NLRP12: variants seen among roughly 807,000 people sequenced by gnomAD.
NLRP12 encodes the protein NLR family pyrin domain containing 12, also known as NACHT, LRR and PYD domains-containing protein 12.
In NLRP12, 108 loss-of-function variants were observed where a neutral mutation model predicts 91.2. The ratio of observed to expected loss-of-function variants is 1.18; its 90% CI spans 1.01 to 1.39. The LOEUF is 1.39. NLRP12 is among the 40% of genes most tolerant of loss of function. The pLI, the probability that NLRP12 is intolerant of heterozygous loss-of-function variation, is 0.00. For synonymous variants in NLRP12, 613 were observed against 566.7 expected (o/e 1.08, Z -1.16); for missense variants, 1,530 against 1,352.7 (o/e 1.13, Z -2.06).
At chr19:53,807,747 T>C in intron 3 of NLRP12, 82 bp from the exon 4 acceptor site, 2 of 1,497,360 alleles carry the variant, frequency 1.3e-6, no homozygotes, top group African/African-American at 1.4e-5. Context: ...TCACCGTTTA[T>C]GAAGCATGCT....
chr19:53,795,099 G>GGTGTGTGT (rs1233389201), intron 9 of NLRP12, among the ~76,000 whole-genome samples: 1 of 133,398 alleles, frequency 7.5e-6, no homozygotes, highest in Non-Finnish European at 1.6e-5. Flanking sequence ...CACCATACCT[G>GGTGTGTGT]GTGTGTGCGT....
At chr19:53,801,531 C>T in intron 6 of NLRP12, 134 bp from the exon 7 acceptor site, 1 of 1,202,406 alleles carries the variant, frequency 8.3e-7, no homozygotes. Flanking sequence ...GGCTCAGCTG[C>T]ATCCTCCACC....
Position 53,811,192 on chromosome 19 carries a change from C to CG in NLRP12, c.466dup (p.Arg156ProfsTer37). 6.2e-7 allele frequency: 1 copy of CG among 1,614,076 alleles called. No homozygotes were observed. The highest frequency in any genetic ancestry group is 8.5e-7 in the Non-Finnish European group (1 of 1,180,022). ...CTTCACCAGCAGGAGCCGGGTGTACCGGTGGCTGAGGTTGACACATTCCCC... is the reference window on the plus strand; with the variant it reads ...CTTCACCAGCAGGAGCCGGGTGTACCGGGTGGCTGAGGTTGACACATTCCCC... On this transcript the variant is annotated frameshift_variant, in exon 3 of 10. Transcript: ENST00000324134. LOFTEE classifies it high-confidence loss of function.
chr19:53,797,886 G>C (rs770209925), intron 8 of NLRP12, among the ~76,000 whole-genome samples: 46 of 151,866 alleles, frequency 3.0e-4, no homozygotes, highest in Non-Finnish European at 4.9e-4. Flanking sequence ...TTACAGGCAT[G>C]TGCCACCAGG....
At chr19:53,817,512 G>A (rs2092180190) in intron 1 of NLRP12, among the ~76,000 whole-genome samples, 1 of 151,772 alleles carries the variant, frequency 6.6e-6, no homozygotes, top group South Asian at 2.1e-4. Context: ...AAGGTGGGTG[G>A]ATTACCTGAG....
At position 53,824,307 on chromosome 19, in the gene NLRP12, G is replaced by T; in HGVS notation, c.-133C>A. On this transcript the variant is annotated 5_prime_UTR_variant, in exon 1 of 10. Coordinates refer to ENST00000324134, the MANE Select transcript of NLRP12 (RefSeq NM_144687.4). ...GGGCGGAGAGGCTGAGCCAGTGGTTGGAGGAGAGAGCAAGGGAGGAAAGAC... is the reference window on the plus strand; with the variant it reads ...GGGCGGAGAGGCTGAGCCAGTGGTTTGAGGAGAGAGCAAGGGAGGAAAGAC... 1.1e-6 allele frequency: 1 copy of T among 899,688 alleles called. No homozygotes were observed. Among genetic ancestry groups the T allele is most frequent in the Non-Finnish European group, 1.8e-6 (1 of 568,560 alleles). The allele number at this position is 899,688 out of a possible 1,614,324, so 55.7% of individuals were successfully genotyped here. A position where few individuals can be genotyped will look rare whatever the true frequency, so the allele number is the denominator to read the frequency against.
At position 53,793,963 on chromosome 19, in the gene NLRP12, G is replaced by A. The variant is rs2091697711; in HGVS notation, c.*86C>T. ...TGCATGAGTCTGTCTCTAGGAAGGA[G>A]GCTGATCATTATGCTGGGGGGGTGA... On this transcript the variant is annotated 3_prime_UTR_variant, in exon 10 of 10. Coordinates refer to ENST00000324134, the MANE Select transcript of NLRP12 (RefSeq NM_144687.4). The A allele has an allele frequency of 4.5e-5, 41 of 915,204 alleles. No individual in the cohort carries two copies. In the South Asian group the frequency reaches 5.0e-4, roughly 11 times the overall value. The allele number at this position is 915,204 out of a possible 1,614,324, so 56.7% of individuals were successfully genotyped here.
intron 3 of NLRP12, chr19:53,807,940 G>A: frequency 2.4e-6 from 1 of 413,426 alleles, no homozygotes. Flanking sequence ...AGTAGAGATG[G>A]GGTTTCACCG....
chr19:53,810,482 C>G lies in NLRP12; in HGVS notation c.1177G>C (p.Asp393His), dbSNP rs868318822. 6.2e-7 allele frequency: 1 copy of G among 1,613,990 alleles called. No individual in the cohort carries two copies. Among genetic ancestry groups the G allele is most frequent in the South Asian group, 1.1e-5 (1 of 91,088 alleles). ...CACATGGTGAAGAGAGGCTCGTTGT[C>G]CCTCACGTAATTGAAGACTTGGCCC... ...QAGQVFNYVR[D>H]NEPLFTMCFV... Residue 393 changes from aspartate to histidine, a missense_variant, in exon 3 of 10, where the codon GAC becomes CAC. Transcript: ENST00000324134.
chr19:53,812,066 G>A (rs1351459218), intron 2 of NLRP12, among the ~76,000 whole-genome samples: 3 of 151,824 alleles, frequency 2.0e-5, no homozygotes, highest in African/African-American at 7.3e-5. Flanking sequence ...GTGAGACCCT[G>A]TCTCTATAAA....
chr19:53,810,857 T>A lies in NLRP12; in HGVS notation c.802A>T (p.Ile268Phe). The A allele has an allele frequency of 1.9e-6, 3 of 1,614,070 alleles. No individual in the cohort carries two copies. Among genetic ancestry groups the A allele is most frequent in the Non-Finnish European group, 2.5e-6 (3 of 1,180,022 alleles). The change falls in exon 3 of 10, where the codon ATC becomes TTC. Residue 268 changes from isoleucine to phenylalanine, a missense_variant. Coordinates refer to ENST00000324134, the MANE Select transcript of NLRP12 (RefSeq NM_144687.4). ...CTGGGCTCAGGCCAGCAGCTGAAGATGAGGTCTTGCATGCTGCATTCCGTG... is the reference window on the plus strand; with the variant it reads ...CTGGGCTCAGGCCAGCAGCTGAAGAAGAGGTCTTGCATGCTGCATTCCGTG... Reference protein sequence around the residue: ...SATECSMQDLIFSCWPEPSAP... With the variant: ...SATECSMQDLFFSCWPEPSAP...
rs1568657976 is a variant in NLRP12, at chr19:53,798,369, G to GA, written c.2800dup (p.Ser934PhefsTer30). On this transcript the variant is annotated frameshift_variant, in exon 8 of 10. Coordinates refer to ENST00000324134, the MANE Select transcript of NLRP12 (RefSeq NM_144687.4). LOFTEE classifies it high-confidence loss of function. ...GTTGTGGTTGGCCTGGAGCACCACA[G>GA]AAAGACCCTCACAGGCGGCAGAGCC... 1 of 1,614,158 alleles carries GA rather than the reference G, an allele frequency of 6.2e-7. No homozygotes were observed. Among genetic ancestry groups the GA allele is most frequent in the South Asian group, 1.1e-5 (1 of 91,086 alleles).
Position 53,798,390 on chromosome 19 carries a change from G to A in NLRP12, c.2780C>T (p.Ser927Phe). The A allele has an allele frequency of 6.2e-7, 1 of 1,614,144 alleles. No individual in the cohort carries two copies. Residue 927 changes from serine to phenylalanine, a missense_variant, in exon 8 of 10, where the codon TCT (serine) becomes TTT (phenylalanine). Coordinates refer to ENST00000324134, the MANE Select transcript of NLRP12 (RefSeq NM_144687.4). ...TLRLGICRLG[S>F]AACEGLSVVL... is the part of the protein sequence containing the mutation. ...CACAGAAAGACCCTCACAGGCGGCAGAGCCCAGCCGGCAGATGCCCAACCT... is the reference window on the plus strand; with the variant it reads ...CACAGAAAGACCCTCACAGGCGGCAAAGCCCAGCCGGCAGATGCCCAACCT...
At chr19:53,795,045 C>G (rs936925453) in intron 9 of NLRP12, among the ~76,000 whole-genome samples, 1 of 151,922 alleles carries the variant, frequency 6.6e-6, no homozygotes, top group Non-Finnish European at 1.5e-5. Context: ...TCAAAGGATC[C>G]TCCCACCTCA....
chr19:53,824,059 C>A lies in NLRP12; in HGVS notation c.116G>T (p.Gly39Val), dbSNP rs34436714. ...GCTTCCCCAGGGGATCTTGCCTTCT[C>A]CCAGCTCTGTCGCGGTCCCCAGGTA... ...KLYLGTATEL[G>V]EGKIPWGSME... Residue 39 changes from glycine to valine, a missense_variant, in exon 1 of 10, where the codon GGA (glycine) becomes GTA (valine). Transcript: ENST00000324134. 350,993 of 1,613,906 alleles carry A rather than the reference C, an allele frequency of 0.22. 39,803 individuals carry two copies. The highest frequency in any genetic ancestry group is 0.37 in the African/African-American group (27,618 of 74,938).
At position 53,824,202 on chromosome 19, in the gene NLRP12, G is replaced by T; in HGVS notation, c.-28C>A. ...GGGTGCCGTGAGCCCCAAAGGAGAGGACCTGGAGGCTGAGATGCTCCTATG... is the reference window on the plus strand; with the variant it reads ...GGGTGCCGTGAGCCCCAAAGGAGAGTACCTGGAGGCTGAGATGCTCCTATG... On this transcript the variant is annotated 5_prime_UTR_variant, in exon 1 of 10. Transcript: ENST00000324134. The T allele has an allele frequency of 6.2e-7, 1 of 1,611,664 alleles. No individual in the cohort carries two copies. The highest frequency in any genetic ancestry group is 2.2e-5 in the East Asian group (1 of 44,884).
At chr19:53,801,544 C>T in intron 6 of NLRP12, 147 bp from the exon 7 acceptor site, 2 of 1,142,804 alleles carry the variant, frequency 1.8e-6, no homozygotes, top group Admixed American at 2.4e-5. Context: ...CCTCCACCTC[C>T]CATGTTCAAG....
intron 1 of NLRP12, among the ~76,000 whole-genome samples, chr19:53,816,516 T>TTTTA (rs1408953412): frequency 6.6e-6 from 1 of 151,866 alleles, no homozygotes; most frequent in East Asian, 1.9e-4. Context: ...TCTGGCACCA[T>TTTTA]TTTATTTATT....
At chr19:53,808,067 C>CT in intron 3 of NLRP12, 1 of 348,044 alleles carries the variant, frequency 2.9e-6, no homozygotes, top group Non-Finnish European at 5.6e-6. Flanking sequence ...GCTATCTTTT[C>CT]ATTTTTTTTT....
Sources: allele counts gnomAD v4.1 joint callset (sites outside exome capture counted in the v4.1 genomes callset), GRCh38; gene constraint gnomAD v4.1.1; transcripts MANE v1.5; gene names NCBI Gene and HGNC (gene_info 2026-07-23, HGNC 2026-07-21).